DOCK3: variants seen among roughly 807,000 people sequenced by gnomAD.
The protein encoded by DOCK3 is dedicator of cytokinesis protein 3.
A neutral mutation model predicts 265.6 loss-of-function variants in DOCK3; 60 were observed. The ratio of observed to expected loss-of-function variants is 0.23; its 90% CI spans 0.18 to 0.28. The LOEUF is 0.28. Ranked by LOEUF, DOCK3 falls within the 10% of genes least tolerant of loss-of-function variation. The probability of loss-of-function intolerance (pLI) is 1.00; values close to 1 mark genes in which losing one functional copy is unlikely to be tolerated. For missense variants in DOCK3, 1,981 were observed against 2,594.3 expected, an observed-to-expected ratio of 0.76 and a Z score of 5.14; for synonymous variants, 881 against 938.0, an observed-to-expected ratio of 0.94 and a Z score of 1.11.
intron 5 of DOCK3, among the ~76,000 whole-genome samples, chr3:50,978,310 A>G (rs1487004277): frequency 6.6e-6 from 1 of 151,542 alleles, no homozygotes; most frequent in Admixed American, 6.6e-5. Context: ...GGTGATGTAC[A>G]GATGGGTTTT....
chr3:51,142,630 A>T (rs541488039), intron 9 of DOCK3, among the ~76,000 whole-genome samples: 1 of 152,192 alleles, frequency 6.6e-6, no homozygotes, highest in South Asian at 2.1e-4. Flanking sequence ...TATCCCCCTG[A>T]TGGATATTTG....
At chr3:50,800,756 T>G (rs1335444438) in intron 2 of DOCK3, among the ~76,000 whole-genome samples, 1 of 152,118 alleles carries the variant, frequency 6.6e-6, no homozygotes, top group Non-Finnish European at 1.5e-5. Flanking sequence ...GGTGCACCAT[T>G]AGGTTATATG....
At chr3:50,882,166 G>A (rs2048076736) in intron 3 of DOCK3, among the ~76,000 whole-genome samples, 1 of 152,088 alleles carries the variant, frequency 6.6e-6, no homozygotes, top group Non-Finnish European at 1.5e-5. Context: ...AAGAACCCTA[G>A]AAGAAAACCT....
intron 5 of DOCK3, among the ~76,000 whole-genome samples, chr3:51,021,922 A>T (rs1034338796): frequency 2.0e-5 from 3 of 152,044 alleles, no homozygotes; most frequent in African/African-American, 7.2e-5. Context: ...CGGCCTCCCT[A>T]AGTGCTGGGA....
In DOCK3 at chr3:51,246,821, C is replaced by T. The variant is rs1464803243; in HGVS notation, c.2184+14C>T. The T allele has an allele frequency of 2.5e-6, 4 of 1,609,964 alleles. No homozygotes were observed. In the Admixed American group the frequency reaches 5.0e-5, roughly 20 times the overall value. ...GAAGCTATGCGGGTAATGTACTAAC[C>T]TCTCCATACATAAGAGACCCACTCA... On this transcript the variant is annotated intron_variant, in intron 22 of 52. Coordinates refer to ENST00000266037, the MANE Select transcript of DOCK3 (RefSeq NM_004947.5).
intron 10 of DOCK3, among the ~76,000 whole-genome samples, chr3:51,156,427 C>T (rs1331571953): frequency 6.6e-6 from 1 of 152,186 alleles, no homozygotes; most frequent in Non-Finnish European, 1.5e-5. Context: ...GTAGATACAT[C>T]ACCCTTCTTA....
chr3:50,920,750 C>T (rs987309877), intron 4 of DOCK3, among the ~76,000 whole-genome samples: 6 of 152,190 alleles, frequency 3.9e-5, no homozygotes, highest in African/African-American at 1.4e-4. Flanking sequence ...CTATCTCCTT[C>T]AGTTCTGCTC....
intron 38 of DOCK3, 44 bp downstream of exon 38, chr3:51,341,429 G>GT (rs2085235870): frequency 1.2e-6 from 2 of 1,606,216 alleles, no homozygotes; most frequent in East Asian, 4.5e-5. Context: ...AGCTTCTGCT[G>GT]TGATGCATGG....
intron 4 of DOCK3, among the ~76,000 whole-genome samples, chr3:50,899,651 A>G (rs1480501638): frequency 6.6e-6 from 1 of 151,968 alleles, no homozygotes; most frequent in Non-Finnish European, 1.5e-5. Flanking sequence ...TTCCTTCAGG[A>G]GCTCTTGTAA....
In DOCK3 at chr3:51,381,522, C is replaced by G; in HGVS notation, c.6056C>G (p.Ala2019Gly). 6.4e-7 allele frequency: 1 copy of G among 1,568,734 alleles called. No individual in the cohort carries two copies. Among genetic ancestry groups the G allele is most frequent in the South Asian group, 1.2e-5 (1 of 85,268 alleles). ...LPPGSAKEEQ[A>G]RMAWEHGRGE... is the part of the protein sequence containing the mutation. ...CCTGGGAGCGCTAAGGAGGAGCAGG[C>G]CCGCATGGCCTGGGAGCACGGCCGA... is the stretch of plus-strand genomic sequence containing the variant. The change falls in exon 53 of 53, where the codon GCC becomes GGC. Residue 2019 changes from alanine (A) to glycine (G), a missense_variant. Physicochemically the swap from Ala to Gly is moderately conservative, Grantham distance 60. Around this residue, in one of 4 missense-constraint regions of DOCK3, gnomAD observed 149 missense variants for 144.7 expected, o/e 1.03. Coordinates refer to ENST00000266037, the MANE Select transcript of DOCK3 (RefSeq NM_004947.5). The surrounding 1 kb of genome is among the most constrained non-coding windows in gnomAD (Gnocchi z 5.6).
chr3:50,719,861 C>T, intron 1 of DOCK3: 1 of 697,558 alleles, frequency 1.4e-6, no homozygotes, highest in Admixed American at 2.0e-5. Context: ...TTCCAGTGCT[C>T]AGAGCATGAA....
At chr3:50,697,813 A>G (rs1465375748) in intron 1 of DOCK3, among the ~76,000 whole-genome samples, 2 of 152,068 alleles carry the variant, frequency 1.3e-5, no homozygotes, top group African/African-American at 2.4e-5. Context: ...GTTTCCTGTG[A>G]CTGGAGAGAC....
chr3:51,092,332 G>T (rs190094297), intron 9 of DOCK3, among the ~76,000 whole-genome samples: 114 of 152,326 alleles, frequency 7.5e-4, no homozygotes, highest in African/African-American at 2.5e-3. Flanking sequence ...TTGGTTGGGG[G>T]AGGGACATCT....
intron 5 of DOCK3, among the ~76,000 whole-genome samples, chr3:50,975,774 G>A (rs2077422492): frequency 1.3e-5 from 2 of 151,956 alleles, no homozygotes; most frequent in African/African-American, 2.4e-5. Flanking sequence ...TCTGGTCCTG[G>A]ACTCTTTTTG....
chr3:51,057,411 G>A (rs528368585), intron 5 of DOCK3, among the ~76,000 whole-genome samples: 29 of 152,276 alleles, frequency 1.9e-4, no homozygotes, highest in African/African-American at 6.0e-4. Context: ...GATTTCTTCT[G>A]CCCAATCTCC....
intron 2 of DOCK3, among the ~76,000 whole-genome samples, chr3:50,831,025 T>G (rs1442076034): frequency 6.6e-6 from 1 of 151,918 alleles, no homozygotes; most frequent in Non-Finnish European, 1.5e-5. Context: ...TTCCTGACAT[T>G]GCCATGACAT....
rs575845323 is a variant in DOCK3, at chr3:50,823,654, C to A, written c.122-18021C>A. On this transcript the variant is annotated intron_variant, in intron 2 of 52. Coordinates refer to ENST00000266037, the MANE Select transcript of DOCK3 (RefSeq NM_004947.5). ...ATTCCACAAAACCGCCATTGTCATC[C>A]TGGCCCATTCTCAATGAGCTGTTGG... 2.0e-5 allele frequency among the ~76,000 whole-genome samples: 3 copies of A among 152,288 alleles called. No individual in the cohort carries two copies. In the East Asian group the frequency reaches 5.8e-4, roughly 29 times the overall value.
chr3:51,160,593 C>T lies in DOCK3; in HGVS notation c.928C>T (p.His310Tyr), dbSNP rs752838595. Residue 310 changes from histidine (H) to tyrosine (Y), a missense_variant, in exon 12 of 53, where the codon CAC (histidine) becomes TAC (tyrosine). Physicochemically the swap from His to Tyr is moderately conservative, Grantham distance 83. Transcript: ENST00000266037. ...LLNDSKKGPP[H>Y]LHYRRPYGCA... ...GAACGACTCAAAGAAAGGTCCTCCT[C>T]ACCTGCACTACAGGCGACCATATGG... 3.1e-6 allele frequency: 5 copies of T among 1,612,844 alleles called. No individual in the cohort carries two copies. In the Admixed American group the frequency reaches 6.7e-5, roughly 22 times the overall value.
At chr3:51,142,285 A>G (rs1045868144) in intron 9 of DOCK3, among the ~76,000 whole-genome samples, 5 of 152,134 alleles carry the variant, frequency 3.3e-5, no homozygotes, top group South Asian at 2.1e-4. Flanking sequence ...TTTTTAATGC[A>G]TAGTTCAGTG....
Sources: gnomAD v4.1 joint callset for allele counts (sites outside exome capture counted in the v4.1 genomes callset) on GRCh38, gnomAD v4.1.1 for gene constraint, gnomAD v4.1.1 regional missense constraint, Gnocchi (gnomAD v3.1) non-coding constraint, MANE v1.5 for transcripts, NCBI Gene and HGNC (gene_info 2026-07-23, HGNC 2026-07-21) for gene names.